The following PCLO variants were observed in gnomAD, a reference collection of about 807,000 sequenced individuals.
The protein encoded by PCLO is protein piccolo.
PCLO carries 82 observed loss-of-function variants against 427.5 expected under a neutral mutation model. The ratio of observed to expected loss-of-function variants is 0.19; its 90% CI spans 0.16 to 0.23. PCLO has a LOEUF of 0.23. Among genes scored for constraint, PCLO ranks in the 10% least tolerant of loss-of-function variants. The probability of loss-of-function intolerance (pLI) is 1.00; values close to 1 mark genes in which losing one functional copy is unlikely to be tolerated. For synonymous variants in PCLO, 2,357 were observed against 2,155.4 expected (o/e 1.09, Z -2.59); for missense variants, 6,239 against 6,115.9 (o/e 1.02, Z -0.67).
chr7:82,839,910 A>G (rs1584033447), intron 14 of PCLO, among the ~76,000 whole-genome samples: 1 of 152,086 alleles, frequency 6.6e-6, no homozygotes, highest in East Asian at 1.9e-4. Flanking sequence ...TAAAATAATA[A>G]TAATAATAAT....
At chr7:82,857,418 G>A (rs1439343896) in intron 10 of PCLO, among the ~76,000 whole-genome samples, 1 of 151,938 alleles carries the variant, frequency 6.6e-6, no homozygotes, top group East Asian at 1.9e-4. Context: ...CATATATTCT[G>A]TACTGTTCTT....
chr7:82,825,510 C>T (rs1398210936), intron 18 of PCLO, among the ~76,000 whole-genome samples: 1 of 151,792 alleles, frequency 6.6e-6, no homozygotes, highest in Non-Finnish European at 1.5e-5. Context: ...ACCTTGATTA[C>T]ACAAAAGGAT....
intron 2 of PCLO, among the ~76,000 whole-genome samples, chr7:83,151,494 G>A (rs1792128271): frequency 2.0e-5 from 3 of 152,184 alleles, no homozygotes; most frequent in African/African-American, 7.2e-5. Context: ...GTCAAATGGT[G>A]CCATTGTAAC....
At chr7:82,784,874 G>T (rs1182514401) in intron 22 of PCLO, among the ~76,000 whole-genome samples, 1 of 151,518 alleles carries the variant, frequency 6.6e-6, no homozygotes, top group Non-Finnish European at 1.5e-5. Context: ...ATTTTTTTCT[G>T]ACAGTTGCAT....
At chr7:82,939,332 T>C (rs1487233055) in intron 6 of PCLO, among the ~76,000 whole-genome samples, 6 of 152,080 alleles carry the variant, frequency 3.9e-5, no homozygotes, top group Middle Eastern at 3.2e-3. Context: ...AAAGCCATGG[T>C]AAATGACAAT....
chr7:83,065,476 T>A (rs1789646252), intron 3 of PCLO, among the ~76,000 whole-genome samples: 1 of 147,966 alleles, frequency 6.8e-6, no homozygotes, highest in Non-Finnish European at 1.5e-5. Flanking sequence ...GAGAACACTT[T>A]CCAAAAATGC....
chr7:82,984,408 CTGTGTGTGTG>C (rs5885327), intron 3 of PCLO, among the ~76,000 whole-genome samples: 16 of 135,868 alleles, frequency 1.2e-4, no homozygotes, highest in South Asian at 2.4e-4. Context: ...AATGTGGTGT[CTGTGTGTGTG>C]TGTGTGTGTG....
rs1427046594 is a variant in PCLO, at chr7:83,162,605, C to T, written c.-13G>A. 2.0e-6 allele frequency: 3 copies of T among 1,525,704 alleles called. No homozygotes were observed. In the African/African-American group the frequency reaches 4.1e-5, roughly 21 times the overall value. The allele number at this position is 1,525,704 out of a possible 1,614,324, so 94.5% of individuals were successfully genotyped here. On this transcript the variant is annotated 5_prime_UTR_variant, in exon 1 of 25. Coordinates refer to ENST00000333891, the MANE Select transcript of PCLO (RefSeq NM_033026.6). ...CCTCGTTGCCCATGGCTCAGGGAGACTCGGGGCCGCCGCGCTCCCTCCTCG... is the reference window on the plus strand; with the variant it reads ...CCTCGTTGCCCATGGCTCAGGGAGATTCGGGGCCGCCGCGCTCCCTCCTCG...
At chr7:83,034,527 A>G (rs1412051904) in intron 3 of PCLO, among the ~76,000 whole-genome samples, 1 of 152,204 alleles carries the variant, frequency 6.6e-6, no homozygotes, top group Non-Finnish European at 1.5e-5. Flanking sequence ...GGAAAAAAAG[A>G]GTCAAATGTA....
chr7:82,902,787 T>C (rs752611230), intron 8 of PCLO, 46 bp from the exon 9 acceptor site: 1 of 923,670 alleles, frequency 1.1e-6, no homozygotes, highest in Non-Finnish European at 1.8e-6. Flanking sequence ...TTAAAGACAC[T>C]TAAAGTGCAA....
intron 22 of PCLO, among the ~76,000 whole-genome samples, chr7:82,773,187 G>A (rs1157932491): frequency 6.6e-6 from 1 of 152,116 alleles, no homozygotes; most frequent in Non-Finnish European, 1.5e-5. Flanking sequence ...TTTAAACTCG[G>A]AATAACATTA....
At position 82,761,438 on chromosome 7, in the gene PCLO, T is replaced by C. The variant is rs1790430553; in HGVS notation, c.15063A>G (p.Thr5021=). 4 of 1,589,822 alleles carry C rather than the reference T, an allele frequency of 2.5e-6. No homozygotes were observed. In the East Asian group the frequency reaches 9.0e-5, roughly 36 times the overall value. Residue 5021 remains threonine, a synonymous_variant, in exon 23 of 25, where the codon ACA becomes ACG. Coordinates refer to ENST00000333891, the MANE Select transcript of PCLO (RefSeq NM_033026.6). Reference sequence around the variant, plus strand: ...TTTCAACTATTAGTTGTTCACCATCTGTCTTCATTTCCTTCTTCAATGCAA... The same window carrying C: ...TTTCAACTATTAGTTGTTCACCATCCGTCTTCATTTCCTTCTTCAATGCAA... ...IKIALKKEMK[T]DGEQLIVEIL...
Position 83,155,789 on chromosome 7 carries a change from T to C in PCLO, c.852A>G (p.Lys284=), listed in dbSNP as rs781023005. The change falls in exon 2 of 25, where the codon AAA becomes AAG. Residue 284 remains lysine, a synonymous_variant. Coordinates refer to ENST00000333891, the MANE Select transcript of PCLO (RefSeq NM_033026.6). ...ATTCTCCCCTTACTATGTCTGCCTGTTTAGTCTGAGGCCTGGATGCATCTC... is the reference window on the plus strand; with the variant it reads ...ATTCTCCCCTTACTATGTCTGCCTGCTTAGTCTGAGGCCTGGATGCATCTC... ...LQRDASRPQT[K]QADIVRGESV... is the part of the protein sequence containing the mutation. 11 of 1,613,808 alleles carry C rather than the reference T, an allele frequency of 6.8e-6. No individual in the cohort carries two copies. The highest frequency in any genetic ancestry group is 3.3e-5 in the South Asian group (3 of 91,080).
chr7:82,956,894 C>G lies in PCLO; in HGVS notation c.4059G>C (p.Gln1353His). Residue 1353 changes from glutamine (Q) to histidine (H), a missense_variant, in exon 5 of 25, where the codon CAG (glutamine) becomes CAC (histidine). Physicochemically the swap from Gln to His is conservative, Grantham distance 24 (BLOSUM62 0). Around this residue, in one of 5 missense-constraint regions of PCLO, gnomAD observed 4,677 missense variants for 4,468.4 expected, o/e 1.05. Coordinates refer to ENST00000333891, the MANE Select transcript of PCLO (RefSeq NM_033026.6). ...DDKSDTSSSQQPKSPQGLSDT... is the reference protein window; with the variant it reads ...DDKSDTSSSQHPKSPQGLSDT... Reference sequence around the variant, plus strand: ...CGCTCAGACCTTGGGGGCTTTTAGGCTGCTGAGAACTTGAGGTGTCTGATT... The same window carrying G: ...CGCTCAGACCTTGGGGGCTTTTAGGGTGCTGAGAACTTGAGGTGTCTGATT... 6.2e-7 allele frequency: 1 copy of G among 1,611,716 alleles called. No individual in the cohort carries two copies. The highest frequency in any genetic ancestry group is 1.3e-5 in the African/African-American group (1 of 74,906).
At chr7:82,854,327 C>A (rs1314508066) in intron 10 of PCLO, among the ~76,000 whole-genome samples, 1 of 152,102 alleles carries the variant, frequency 6.6e-6, no homozygotes, top group Non-Finnish European at 1.5e-5. Context: ...ACATGCCAAG[C>A]AGACAAATAT....
At chr7:82,827,137 T>C (rs1168377480) in intron 17 of PCLO, among the ~76,000 whole-genome samples, 3 of 152,062 alleles carry the variant, frequency 2.0e-5, no homozygotes, top group Non-Finnish European at 4.4e-5. Context: ...AGCTTCATCT[T>C]TGTAATGAAA....
intron 4 of PCLO, among the ~76,000 whole-genome samples, chr7:82,963,749 A>C (rs1031290591): frequency 1.3e-5 from 2 of 152,150 alleles, no homozygotes; most frequent in Admixed American, 1.3e-4. Flanking sequence ...GCATTTAAAT[A>C]AATATAATAA....
At chr7:83,125,759 G>A (rs1220837661) in intron 3 of PCLO, among the ~76,000 whole-genome samples, 1 of 152,104 alleles carries the variant, frequency 6.6e-6, no homozygotes, top group African/African-American at 2.4e-5. Context: ...GAAGGTCGCA[G>A]GGTCCTCTGC....
chr7:82,842,568 G>C (rs1424107794), intron 13 of PCLO, among the ~76,000 whole-genome samples: 1 of 152,058 alleles, frequency 6.6e-6, no homozygotes, highest in Admixed American at 6.6e-5. Flanking sequence ...AAAGTCTTTT[G>C]CATAGCCAAT....
Sources: gnomAD v4.1 joint callset for allele counts (sites outside exome capture counted in the v4.1 genomes callset) on GRCh38, gnomAD v4.1.1 for gene constraint, gnomAD v4.1.1 regional missense constraint, MANE v1.5 for transcripts, NCBI Gene and HGNC (gene_info 2026-07-23, HGNC 2026-07-21) for gene names.